The following CPED1 variants were observed in gnomAD, a reference collection of about 807,000 sequenced individuals.
The protein encoded by CPED1 is cadherin-like and PC-esterase domain-containing protein 1.
CPED1 carries 114 observed loss-of-function variants against 128.2 expected under a neutral mutation model. That is an observed-to-expected ratio of 0.89 (90% CI 0.76 to 1.04). The LOEUF (loss-of-function observed/expected upper bound fraction) is 1.04, where lower values mean the gene tolerates loss of function less well. Ranked by LOEUF, CPED1 falls within the 50% of genes least tolerant of loss-of-function variation. The pLI, the probability that CPED1 is intolerant of heterozygous loss-of-function variation, is 0.00. For synonymous variants in CPED1, 462 were observed against 426.7 expected (o/e 1.08, Z -1.02); for missense variants, 1,211 against 1,207.1 (o/e 1.00, Z -0.05).
chr7:121,187,613 T>C (rs1797033609), intron 16 of CPED1, among the ~76,000 whole-genome samples: 1 of 152,102 alleles, frequency 6.6e-6, no homozygotes, highest in African/African-American at 2.4e-5. Context: ...ATCAAGCAGT[T>C]TAGCCAAGAG....
rs116899926 is a variant in CPED1 at position 121,263,314 on chromosome 7, C to G, written c.2311-2913C>G. Among the ~76,000 whole-genome samples the G allele has an allele frequency of 2.9e-3, 446 of 152,202 alleles. 2 individuals are homozygous for G. The highest frequency in any genetic ancestry group is 0.01 in the African/African-American group (422 of 41,560). ...ATTTGGTAGGGCAGGAGAGAAATAG[C>G]TGTGACTTAGACATTTCCTATTTTT... On this transcript the variant is annotated intron_variant, in intron 18 of 22. Transcript: ENST00000310396.
intron 2 of CPED1, among the ~76,000 whole-genome samples, chr7:121,000,381 G>A (rs1014362695): frequency 2.0e-5 from 3 of 152,128 alleles, no homozygotes; most frequent in South Asian, 4.1e-4. Flanking sequence ...GGAAAGAAAC[G>A]TGACAATAAA....
intron 2 of CPED1, among the ~76,000 whole-genome samples, chr7:121,002,940 TACC>T (rs1791902527): frequency 6.6e-6 from 1 of 152,196 alleles, no homozygotes; most frequent in African/African-American, 2.4e-5. Context: ...AATGTAACCA[TACC>T]CTGTGACATC....
chr7:121,090,024 A>G (rs748563371), intron 5 of CPED1, among the ~76,000 whole-genome samples: 12 of 152,244 alleles, frequency 7.9e-5, no homozygotes, highest in South Asian at 4.1e-4. Flanking sequence ...TACAGCTTTT[A>G]TAACCGACAA....
chr7:121,178,168 C>A (rs1004383089), intron 16 of CPED1, among the ~76,000 whole-genome samples: 5 of 151,990 alleles, frequency 3.3e-5, no homozygotes, highest in Non-Finnish European at 5.9e-5. Flanking sequence ...GGCAATGAAC[C>A]ACCAACTGGT....
At chr7:121,267,461 C>T (rs559317314) in intron 21 of CPED1, among the ~76,000 whole-genome samples, 159 bp downstream of exon 21, 17 of 152,148 alleles carry the variant, frequency 1.1e-4, no homozygotes, top group Admixed American at 6.6e-5. Flanking sequence ...ATTTTACATA[C>T]ACCTTTAAAG....
At chr7:121,112,367 A>G (rs1342424175) in intron 7 of CPED1, among the ~76,000 whole-genome samples, 1 of 152,182 alleles carries the variant, frequency 6.6e-6, no homozygotes, top group Non-Finnish European at 1.5e-5. Context: ...AGTCAGAGAG[A>G]GATTTGACAC....
At chr7:121,102,282 G>A (rs1301397833) in intron 7 of CPED1, among the ~76,000 whole-genome samples, 1 of 152,014 alleles carries the variant, frequency 6.6e-6, no homozygotes, top group Non-Finnish European at 1.5e-5. Flanking sequence ...CCTTTCTTTT[G>A]AAGTAGCTGT....
At chr7:121,263,712 C>T (rs1792064579) in intron 18 of CPED1, among the ~76,000 whole-genome samples, 2 of 151,996 alleles carry the variant, frequency 1.3e-5, no homozygotes. Flanking sequence ...TATATAACTA[C>T]TTTGATTTTT....
At position 121,133,829 on chromosome 7, in the gene CPED1, T is replaced by G; in HGVS notation, c.1584T>G (p.Ser528=). The part of the protein sequence containing the change: ...KTQPHPLEWN[S]FTEDKNIEKP... ...TTTGGCATTGCATTTGCAGGAATTC[T>G]TTCACAGAAGATAAGAACATTGAAA... Residue 528 remains serine, a synonymous_variant, in exon 13 of 23, where the codon TCT becomes TCG. Transcript: ENST00000310396. The G allele has an allele frequency of 6.3e-7, 1 of 1,597,964 alleles. No homozygotes were observed. The highest frequency in any genetic ancestry group is 2.2e-5 in the East Asian group (1 of 44,564).
At chr7:121,139,399 T>C (rs1030731236) in intron 14 of CPED1, among the ~76,000 whole-genome samples, 1 of 152,022 alleles carries the variant, frequency 6.6e-6, no homozygotes, top group East Asian at 1.9e-4. Flanking sequence ...ATAGGGTTTT[T>C]TTTTTCATTT....
intron 2 of CPED1, among the ~76,000 whole-genome samples, chr7:121,000,836 T>G (rs887561150): frequency 3.3e-5 from 5 of 152,188 alleles, no homozygotes; most frequent in Non-Finnish European, 7.4e-5. Context: ...ATAGGACAAC[T>G]GGTAAATTTT....
chr7:121,153,515 TAACTC>T (rs1395762408), intron 16 of CPED1, among the ~76,000 whole-genome samples: 1 of 152,212 alleles, frequency 6.6e-6, no homozygotes, highest in East Asian at 1.9e-4. Flanking sequence ...TTCCACTTAT[TAACTC>T]AATTCTCAAA....
At chr7:121,013,596 G>A (rs1792218115) in intron 2 of CPED1, among the ~76,000 whole-genome samples, 1 of 152,158 alleles carries the variant, frequency 6.6e-6, no homozygotes, top group African/African-American at 2.4e-5. Flanking sequence ...CACTTTACAA[G>A]TATTAACTGT....
At chr7:121,160,783 T>C (rs1357755) in intron 16 of CPED1, among the ~76,000 whole-genome samples, 66,691 of 151,890 alleles carry the variant, frequency 0.44, 15,924 homozygotes, top group East Asian at 0.84. Flanking sequence ...AATGGGGTTT[T>C]GTATGTAGGC....
intron 22 of CPED1, among the ~76,000 whole-genome samples, chr7:121,278,241 G>A (rs1449055514): frequency 6.6e-6 from 1 of 152,076 alleles, no homozygotes; most frequent in East Asian, 1.9e-4. Flanking sequence ...AATACCAAGA[G>A]ACAGAATAAA....
At chr7:121,020,909 G>T (rs536051827) in intron 3 of CPED1, among the ~76,000 whole-genome samples, 139 of 152,030 alleles carry the variant, frequency 9.1e-4, no homozygotes, top group Non-Finnish European at 1.8e-3. Context: ...TCAAAAGCCA[G>T]AGCAACATTT....
chr7:121,006,618 GA>G lies in CPED1; in HGVS notation c.250-9037del, dbSNP rs1000467524. Among the ~76,000 whole-genome samples the G allele has an allele frequency of 2.1e-3, 302 of 145,100 alleles. 2 individuals carry two copies. Among genetic ancestry groups the G allele is most frequent in the African/African-American group, 6.8e-3 (270 of 39,688 alleles). On this transcript the variant is annotated intron_variant, in intron 2 of 22. Coordinates refer to ENST00000310396, the MANE Select transcript of CPED1 (RefSeq NM_024913.5). Reference sequence around the variant, plus strand: ...ATCACATCAAATTGTGTCAAAAAAGGAAAAAAAAAAGGTGAACTACGTTCTC... The same window carrying G: ...ATCACATCAAATTGTGTCAAAAAAGGAAAAAAAAAGGTGAACTACGTTCTC...
intron 2 of CPED1, among the ~76,000 whole-genome samples, chr7:121,014,109 G>A (rs762872857): frequency 1.3e-5 from 2 of 152,204 alleles, no homozygotes; most frequent in African/African-American, 2.4e-5. Context: ...GTGAAATAAC[G>A]AAAAGAGGAA....
Sources: allele counts gnomAD v4.1 joint callset (sites outside exome capture counted in the v4.1 genomes callset), GRCh38; gene constraint gnomAD v4.1.1; transcripts MANE v1.5; gene names NCBI Gene and HGNC (gene_info 2026-07-23, HGNC 2026-07-21).